Variants in ZNF385D observed in about 807,000 individuals in gnomAD.
ZNF385D encodes the protein zinc finger protein 659.
A neutral mutation model predicts 35.8 loss-of-function variants in ZNF385D; 15 were observed. That is an observed-to-expected ratio of 0.42 (90% CI 0.28 to 0.64). ZNF385D has a LOEUF of 0.64. ZNF385D is among the 30% of genes least tolerant of loss of function. The probability of loss-of-function intolerance (pLI) is 0.23; values close to 1 mark genes in which losing one functional copy is unlikely to be tolerated. For synonymous variants in ZNF385D, 212 were observed against 186.8 expected (o/e 1.13, Z -1.10); for missense variants, 474 against 494.6 (o/e 0.96, Z 0.39).
intron 2 of ZNF385D, among the ~76,000 whole-genome samples, chr3:22,344,570 TTTG>T (rs963411218): frequency 1.3e-5 from 2 of 149,314 alleles, no homozygotes; most frequent in Non-Finnish European, 2.9e-5. Flanking sequence ...TGGGGTTTTC[TTTG>T]TTTTTTTGTT....
intron 3 of ZNF385D, among the ~76,000 whole-genome samples, chr3:22,036,429 T>C (rs186212602): frequency 3.9e-5 from 6 of 152,128 alleles, no homozygotes; most frequent in Admixed American, 2.0e-4. Flanking sequence ...ATGTGAGTAA[T>C]ATCAATTGAC....
chr3:21,757,014 A>G (rs1047598512), intron 3 of ZNF385D, among the ~76,000 whole-genome samples: 5 of 152,160 alleles, frequency 3.3e-5, no homozygotes, highest in Admixed American at 3.3e-4. Flanking sequence ...TTAATTGCCT[A>G]CAAGAAAAAA....
intron 3 of ZNF385D, among the ~76,000 whole-genome samples, chr3:22,163,422 T>C (rs1706100579): frequency 6.6e-6 from 1 of 152,212 alleles, no homozygotes; most frequent in South Asian, 2.1e-4. Context: ...CTTTTCACTG[T>C]GATCTTCAGA....
At chr3:21,880,098 A>T (rs259551) in intron 3 of ZNF385D, among the ~76,000 whole-genome samples, 21,086 of 151,984 alleles carry the variant, frequency 0.14, 1,739 homozygotes, top group Non-Finnish European at 0.16. Context: ...TTCAAATGAC[A>T]TTATGGTTTC....
chr3:21,960,313 G>A (rs572962329), intron 3 of ZNF385D, among the ~76,000 whole-genome samples: 214 of 148,654 alleles, frequency 1.4e-3, no homozygotes, highest in Non-Finnish European at 2.2e-3. Flanking sequence ...CAAATAAATG[G>A]CCAACAAATA....
intron 3 of ZNF385D, among the ~76,000 whole-genome samples, chr3:22,013,437 G>A (rs573392085): frequency 1.1e-4 from 16 of 152,116 alleles, no homozygotes; most frequent in African/African-American, 3.6e-4. Flanking sequence ...TTTTATTAAT[G>A]CTTTTATGTT....
chr3:21,741,221 G>A (rs2069500480), intron 1 of ZNF385D, among the ~76,000 whole-genome samples: 1 of 152,082 alleles, frequency 6.6e-6, no homozygotes, highest in African/African-American at 2.4e-5. Flanking sequence ...TACAGTATTT[G>A]TACTTATTGA....
intron 2 of ZNF385D, among the ~76,000 whole-genome samples, chr3:22,309,617 C>G (rs942889333): frequency 1.3e-5 from 2 of 151,938 alleles, no homozygotes; most frequent in Admixed American, 1.3e-4. Flanking sequence ...ATATATTTAG[C>G]TAGCTTTTTA....
At chr3:21,771,234 T>TATA (rs2071065568) in intron 3 of ZNF385D, among the ~76,000 whole-genome samples, 1 of 150,634 alleles carries the variant, frequency 6.6e-6, no homozygotes, top group South Asian at 2.1e-4. Flanking sequence ...GAACTTAAAG[T>TATA]ATAATAATAA....
intron 2 of ZNF385D, among the ~76,000 whole-genome samples, chr3:21,619,772 G>A (rs375702211): frequency 6.6e-6 from 1 of 152,256 alleles, no homozygotes; most frequent in East Asian, 1.9e-4. Context: ...TTGCTAAAGT[G>A]ATTCGAGGAA....
At position 21,437,202 on chromosome 3, in the gene ZNF385D, G is replaced by A. The variant is rs142004523; in HGVS notation, c.441C>T (p.Asp147=). The A allele has an allele frequency of 3.6e-5, 58 of 1,609,218 alleles. No individual in the cohort carries two copies. The highest frequency in any genetic ancestry group is 4.5e-5 in the Non-Finnish European group (53 of 1,177,876). The change falls in exon 5 of 8, where the codon GAC becomes GAT. Residue 147 remains aspartate, a splice_region_variant and synonymous_variant. Transcript: ENST00000281523. Reference sequence around the variant, plus strand: ...ATATTGCTGGTGTCCCTGCAGTACCGTCTGTATTCAAAATAACACAGAAAA... The same window carrying A: ...ATATTGCTGGTGTCCCTGCAGTACCATCTGTATTCAAAATAACACAGAAAA... The part of the protein sequence containing the change: ...NTINTSSDKT[D]GTAGTPAIST...
intron 3 of ZNF385D, among the ~76,000 whole-genome samples, chr3:21,528,061 C>T (rs1031866582): frequency 9.2e-5 from 14 of 152,078 alleles, no homozygotes; most frequent in Non-Finnish European, 1.9e-4. Flanking sequence ...AAGTAGTAAA[C>T]GACAGAGGCG....
At chr3:21,464,130 T>C (rs1219760937) in intron 4 of ZNF385D, among the ~76,000 whole-genome samples, 1 of 152,234 alleles carries the variant, frequency 6.6e-6, no homozygotes, top group Non-Finnish European at 1.5e-5. Flanking sequence ...GATTACAATA[T>C]TCTCAAGGTT....
At chr3:22,337,894 A>G (rs2125472805) in intron 2 of ZNF385D, among the ~76,000 whole-genome samples, 1 of 152,340 alleles carries the variant, frequency 6.6e-6, no homozygotes, top group East Asian at 1.9e-4. Flanking sequence ...CTGCATGGAT[A>G]GTAAAGAGAG....
intron 2 of ZNF385D, among the ~76,000 whole-genome samples, chr3:22,193,878 C>G (rs1009443632): frequency 6.6e-6 from 1 of 151,842 alleles, no homozygotes; most frequent in Non-Finnish European, 1.5e-5. Flanking sequence ...TGATTATAAC[C>G]GCTTTTAGAA....
intron 2 of ZNF385D, among the ~76,000 whole-genome samples, chr3:21,610,813 G>A (rs2335809): frequency 0.57 from 85,598 of 151,496 alleles, 25,202 homozygotes; most frequent in African/African-American, 0.73. Flanking sequence ...GTTATTTCAC[G>A]GTTGCTGTGG....
At chr3:22,237,469 T>C (rs1699250946) in intron 2 of ZNF385D, among the ~76,000 whole-genome samples, 1 of 152,190 alleles carries the variant, frequency 6.6e-6, no homozygotes, top group Admixed American at 6.6e-5. Flanking sequence ...TTTCCTTTGA[T>C]AGTGCTAGTT....
intron 2 of ZNF385D, among the ~76,000 whole-genome samples, chr3:21,617,353 G>A (rs928108665): frequency 2.0e-5 from 3 of 152,162 alleles, no homozygotes; most frequent in East Asian, 3.9e-4. Flanking sequence ...GGTTTGAGTC[G>A]TAGCTCTGTT....
chr3:21,539,189 C>G lies in ZNF385D; in HGVS notation c.276+25385G>C, dbSNP rs752573703. On this transcript the variant is annotated intron_variant, in intron 3 of 7. Coordinates refer to ENST00000281523, the MANE Select transcript of ZNF385D (RefSeq NM_024697.3). The surrounding 1 kb of genome is among the most constrained non-coding windows in gnomAD (Gnocchi z 4.0). The stretch of plus-strand genomic sequence containing the variant: ...CCTATCCCAGGAAGATTCAAGACCA[C>G]AGAGACATCAGTGAGCCAGTCTGAA... Among the ~76,000 whole-genome samples the G allele has an allele frequency of 6.6e-6, 1 of 151,760 alleles. No individual in the cohort carries two copies. Among genetic ancestry groups the G allele is most frequent in the Non-Finnish European group, 1.5e-5 (1 of 68,014 alleles).
Sources: gnomAD v4.1 joint callset for allele counts (sites outside exome capture counted in the v4.1 genomes callset) on GRCh38, gnomAD v4.1.1 for gene constraint, Gnocchi (gnomAD v3.1) non-coding constraint, MANE v1.5 for transcripts, NCBI Gene and HGNC (gene_info 2026-07-23, HGNC 2026-07-21) for gene names.